ABLIM1: variants seen among roughly 807,000 people sequenced by gnomAD.
The protein encoded by ABLIM1 is actin binding LIM protein 1, also known as actin-binding LIM protein 1.
Under a neutral mutation model 107.0 loss-of-function variants are expected in ABLIM1, and 40 were observed. The ratio of observed to expected loss-of-function variants is 0.37; its 90% CI spans 0.29 to 0.49. ABLIM1 has a LOEUF of 0.49. Ranked by LOEUF, ABLIM1 falls within the 20% of genes least tolerant of loss-of-function variation. The pLI, the probability that ABLIM1 is intolerant of heterozygous loss-of-function variation, is 0.97. For missense variants in ABLIM1, 857 were observed against 1,008.5 expected, an observed-to-expected ratio of 0.85 and a Z score of 2.04; for synonymous variants, 357 against 357.3, an observed-to-expected ratio of 1.00 and a Z score of 0.01.
intron 1 of ABLIM1, among the ~76,000 whole-genome samples, chr10:114,754,075 C>A (rs565809818): frequency 4.6e-5 from 7 of 152,304 alleles, no homozygotes; most frequent in Admixed American, 2.6e-4. Context: ...TGGTCTCAAA[C>A]TCCTGACCTC....
intron 1 of ABLIM1, among the ~76,000 whole-genome samples, chr10:114,716,550 G>T (rs1041682080): frequency 1.3e-5 from 2 of 152,072 alleles, no homozygotes; most frequent in Non-Finnish European, 2.9e-5. Flanking sequence ...ACTTACAACG[G>T]ATGTTTTCTT....
chr10:114,670,580 G>T (rs78821967), intron 1 of ABLIM1, among the ~76,000 whole-genome samples: 2 of 152,054 alleles, frequency 1.3e-5, no homozygotes, highest in Non-Finnish European at 2.9e-5. Flanking sequence ...TGCAACCTCC[G>T]ACTCCCGGCT....
intron 8 of ABLIM1, among the ~76,000 whole-genome samples, chr10:114,483,794 C>A (rs2057756225): frequency 6.6e-6 from 1 of 152,248 alleles, no homozygotes; most frequent in Admixed American, 6.5e-5. Context: ...TGCAGTGCAA[C>A]CCTGAATTGT....
intron 4 of ABLIM1, among the ~76,000 whole-genome samples, chr10:114,561,762 CAT>C (rs1400680254): frequency 1.3e-5 from 2 of 152,190 alleles, no homozygotes; most frequent in Non-Finnish European, 2.9e-5. Flanking sequence ...TCACATAAGA[CAT>C]ATAACTGCTG....
At chr10:114,586,435 G>T (rs4998667) in intron 2 of ABLIM1, among the ~76,000 whole-genome samples, 1 of 152,082 alleles carries the variant, frequency 6.6e-6, no homozygotes, top group African/African-American at 2.4e-5. Flanking sequence ...ATAATTAAAG[G>T]GTTGGGAAGG....
intron 6 of ABLIM1, among the ~76,000 whole-genome samples, chr10:114,519,661 AG>A (rs1259936610): frequency 6.6e-6 from 1 of 152,244 alleles, no homozygotes; most frequent in African/African-American, 2.4e-5. Flanking sequence ...AATCTTGCTC[AG>A]GGATGGTTAA....
intron 2 of ABLIM1, among the ~76,000 whole-genome samples, chr10:114,582,578 G>A (rs1328215249): frequency 6.6e-6 from 1 of 152,096 alleles, no homozygotes; most frequent in African/African-American, 2.4e-5. Flanking sequence ...AAGGAACAAA[G>A]CTAGCGGCAT....
At chr10:114,644,692 T>G (rs976810176) in intron 1 of ABLIM1, among the ~76,000 whole-genome samples, 3 of 152,152 alleles carry the variant, frequency 2.0e-5, no homozygotes, top group African/African-American at 7.2e-5. Context: ...TTGAAAAAGA[T>G]GAACTGGGCC....
chr10:114,790,894 T>G, the ABLIM1 span, among the ~76,000 whole-genome samples: 1 of 152,172 alleles, frequency 6.6e-6, no homozygotes, highest in Non-Finnish European at 1.5e-5. Context: ...GACACACAAA[T>G]GCCCTAAAAT....
chr10:114,447,081 C>G (rs2061123555), intron 15 of ABLIM1, among the ~76,000 whole-genome samples: 1 of 152,016 alleles, frequency 6.6e-6, no homozygotes, highest in Non-Finnish European at 1.5e-5. Flanking sequence ...AATTGAAGGC[C>G]TTTTAGGTTG....
intron 17 of ABLIM1, among the ~76,000 whole-genome samples, chr10:114,443,682 A>G (rs1391966426): frequency 2.6e-5 from 4 of 151,128 alleles, no homozygotes; most frequent in Admixed American, 1.3e-4. Context: ...TAAAAAAAAA[A>G]AAAAAAAAAA....
intron 11 of ABLIM1, 103 bp downstream of exon 11, chr10:114,468,078 T>C (rs2065572563): frequency 9.2e-7 from 1 of 1,086,060 alleles, no homozygotes; most frequent in Non-Finnish European, 1.4e-6. Flanking sequence ...AGTTTTTCTG[T>C]TCTTTTGTAT....
At chr10:114,676,401 C>T (rs1251538816) in intron 1 of ABLIM1, among the ~76,000 whole-genome samples, 3 of 151,834 alleles carry the variant, frequency 2.0e-5, no homozygotes, top group Admixed American at 6.6e-5. Context: ...GGCTTGAACC[C>T]GGGAAGCGGA....
At chr10:114,512,984 C>T (rs1468567652) in intron 6 of ABLIM1, among the ~76,000 whole-genome samples, 1 of 152,012 alleles carries the variant, frequency 6.6e-6, no homozygotes, top group African/African-American at 2.4e-5. Flanking sequence ...TACCAAAACT[C>T]GAGAGTTTTT....
chr10:114,731,386 C>T (rs893058185), intron 1 of ABLIM1, among the ~76,000 whole-genome samples: 21 of 152,056 alleles, frequency 1.4e-4, no homozygotes, highest in Admixed American at 8.5e-4. Context: ...AGGTGATCTG[C>T]GTGCCTCGGC....
intron 1 of ABLIM1, among the ~76,000 whole-genome samples, chr10:114,713,212 C>T (rs1269984051): frequency 2.6e-5 from 4 of 152,136 alleles, no homozygotes; most frequent in Non-Finnish European, 5.9e-5. Flanking sequence ...AATTCAATTG[C>T]TACTGTATTG....
chr10:114,714,567 A>C (rs963585122), intron 1 of ABLIM1, among the ~76,000 whole-genome samples: 1 of 152,234 alleles, frequency 6.6e-6, no homozygotes, highest in African/African-American at 2.4e-5. Flanking sequence ...GGATGTGTCC[A>C]ATATCCATGT....
At chr10:114,470,483 A>T (rs1306248625) in intron 10 of ABLIM1, among the ~76,000 whole-genome samples, 1 of 151,618 alleles carries the variant, frequency 6.6e-6, no homozygotes, top group African/African-American at 2.4e-5. Flanking sequence ...AGTGTGTTAA[A>T]CTTTAATGGA....
At chr10:114,609,726 C>T (rs11196803) in intron 1 of ABLIM1, among the ~76,000 whole-genome samples, 15,737 of 152,238 alleles carry the variant, frequency 0.1, 1,179 homozygotes, top group East Asian at 0.39. Flanking sequence ...GGGTCCTGAA[C>T]TTCTGACATT....
Sources: allele counts gnomAD v4.1 joint callset (sites outside exome capture counted in the v4.1 genomes callset), GRCh38; gene constraint gnomAD v4.1.1; transcripts MANE v1.5; gene names NCBI Gene and HGNC (gene_info 2026-07-23, HGNC 2026-07-21).